Variants in CYTH1 observed in about 807,000 individuals in gnomAD.
CYTH1 encodes cytohesin 1.
In CYTH1, 18 loss-of-function variants were observed where a neutral mutation model predicts 61.8. That is an observed-to-expected ratio of 0.29 (90% CI 0.20 to 0.43). The LOEUF is 0.43. CYTH1 is among the 20% of genes least tolerant of loss of function. The pLI is 1.00. For missense variants in CYTH1, 336 were observed against 510.5 expected, an observed-to-expected ratio of 0.66 and a Z score of 3.29; for synonymous variants, 174 against 184.3, an observed-to-expected ratio of 0.94 and a Z score of 0.45.
chr17:78,715,938 C>T (rs2093177284), intron 1 of CYTH1, among the ~76,000 whole-genome samples: 1 of 152,202 alleles, frequency 6.6e-6, no homozygotes, highest in Non-Finnish European at 1.5e-5. Context: ...GTGGAGAGGG[C>T]AGCAGGGTCC....
intron 1 of CYTH1, among the ~76,000 whole-genome samples, chr17:78,772,501 A>G (rs570401944): frequency 2.0e-5 from 3 of 152,286 alleles, no homozygotes; most frequent in South Asian, 4.1e-4. Flanking sequence ...GGTATGAGCC[A>G]TAAGATTCCA....
intron 11 of CYTH1, among the ~76,000 whole-genome samples, chr17:78,687,089 A>C (rs2092824455): frequency 6.6e-6 from 1 of 152,048 alleles, no homozygotes; most frequent in Admixed American, 6.6e-5. Flanking sequence ...CCTACATTAC[A>C]TTTATTGTAC....
At position 78,717,529 on chromosome 17, in the gene CYTH1, G is replaced by GCAGAAACCCAGAGCTGAAATGGGTT. The variant is rs2093191775; in HGVS notation, c.23-7822_23-7798dup. On this transcript the variant is annotated intron_variant, in intron 1 of 13. Transcript: ENST00000446868. The surrounding 1 kb of genome is among the most constrained non-coding windows in gnomAD (Gnocchi z 4.4). ...GTTGCTTTGCAGATTTTAACAGTCG[G>GCAGAAACCCAGAGCTGAAATGGGTT]CAGAAACCCAGAGCTGAAATGGGTT... is the stretch of plus-strand genomic sequence containing the variant. 6.6e-6 allele frequency among the ~76,000 whole-genome samples: 1 copy of GCAGAAACCCAGAGCTGAAATGGGTT among 152,090 alleles called. No homozygotes were observed. Among genetic ancestry groups the GCAGAAACCCAGAGCTGAAATGGGTT allele is most frequent in the African/African-American group, 2.4e-5 (1 of 41,418 alleles).
At chr17:78,733,153 C>A (rs1230666830) in intron 1 of CYTH1, among the ~76,000 whole-genome samples, 1 of 144,994 alleles carries the variant, frequency 6.9e-6, no homozygotes, top group African/African-American at 2.5e-5. Flanking sequence ...TAGAAGCAAT[C>A]TGAAAATCCA....
At chr17:78,745,035 A>G (rs944702134) in intron 1 of CYTH1, among the ~76,000 whole-genome samples, 3 of 152,084 alleles carry the variant, frequency 2.0e-5, no homozygotes, top group African/African-American at 7.3e-5. Flanking sequence ...AACTTGCCAC[A>G]AAACTGAAAA....
At chr17:78,735,316 G>A (rs890931971) in intron 1 of CYTH1, among the ~76,000 whole-genome samples, 3 of 152,300 alleles carry the variant, frequency 2.0e-5, no homozygotes, top group East Asian at 1.9e-4. Context: ...AGGCTCACCC[G>A]GAAGGACCAG....
intron 1 of CYTH1, among the ~76,000 whole-genome samples, chr17:78,776,556 G>A (rs930637297): frequency 6.6e-6 from 1 of 151,440 alleles, no homozygotes; most frequent in East Asian, 2.0e-4. Flanking sequence ...CTACTCAGGA[G>A]GCTGAGGCAC....
intron 1 of CYTH1, among the ~76,000 whole-genome samples, chr17:78,776,891 C>T (rs2144775313): frequency 6.8e-6 from 1 of 147,560 alleles, no homozygotes; most frequent in Non-Finnish European, 1.5e-5. Flanking sequence ...TTTGGGAGGC[C>T]TAGGCAGGGG....
chr17:78,703,411 C>CAA lies in CYTH1; in HGVS notation c.171-809_171-808dup, dbSNP rs67437891. ...GGGTGACAGAGTGAGACTCCGTCTCCAAAAAAAAAAAAAAAAAAAAAAAAC... is the reference window on the plus strand; with the variant it reads ...GGGTGACAGAGTGAGACTCCGTCTCCAAAAAAAAAAAAAAAAAAAAAAAAAAC... On this transcript the variant is annotated intron_variant, in intron 3 of 13. Transcript: ENST00000446868. Among the ~76,000 whole-genome samples the CAA allele has an allele frequency of 5.4e-3, 376 of 69,598 alleles. 1 individual carries two copies. Among genetic ancestry groups the CAA allele is most frequent in the African/African-American group, 0.013 (211 of 16,814 alleles). The allele number at this position is 69,598 out of a possible 152,430, so 45.7% of individuals were successfully genotyped here.
rs149756766 is a variant in CYTH1, at chr17:78,749,935, G to A, written c.22+32267C>T. ...CTACTATTACCCAAAGAAATACCAA[G>A]TGCTCCTAAAATAATACCACATACT... On this transcript the variant is annotated intron_variant, in intron 1 of 13. Transcript: ENST00000446868. 4.6e-3 allele frequency among the ~76,000 whole-genome samples: 701 copies of A among 152,214 alleles called. 7 individuals carry two copies. Among genetic ancestry groups the A allele is most frequent in the African/African-American group, 0.016 (654 of 41,534 alleles).
chr17:78,745,163 C>G (rs984935494), intron 1 of CYTH1, among the ~76,000 whole-genome samples: 1 of 152,032 alleles, frequency 6.6e-6, no homozygotes, highest in Admixed American at 6.6e-5. Flanking sequence ...TCCTGTGCAC[C>G]GTGGAGCCTG....
rs1598845371 is a variant in CYTH1, at chr17:78,699,033, G to A, written c.551-65C>T. The A allele has an allele frequency of 7.1e-6, 11 of 1,548,614 alleles. No homozygotes were observed. In the East Asian group the frequency reaches 1.4e-4, roughly 19 times the overall value. ...TCAGATGTTCAGAAACATCCCACCC[G>A]CAAGAGCAAGAGTGGTATCAGATGA... On this transcript the variant is annotated intron_variant, in intron 7 of 13. Coordinates refer to ENST00000446868, the MANE Select transcript of CYTH1 (RefSeq NM_004762.6).
chr17:78,782,266 C>T lies in CYTH1; in HGVS notation c.-43G>A, dbSNP rs770864180. On this transcript the variant is annotated 5_prime_UTR_variant, in exon 1 of 14. Transcript: ENST00000446868. ...CCGCGCTCCGGCTCGCCGCTCGCGT[C>T]CCGCCGCGCCACCCGCGCCCCCGCT... 6.6e-6 allele frequency: 8 copies of T among 1,215,704 alleles called. No individual in the cohort carries two copies. In the South Asian group the frequency reaches 1.3e-4, roughly 20 times the overall value. The allele number at this position is 1,215,704 out of a possible 1,614,324, so 75.3% of individuals were successfully genotyped here.
intron 1 of CYTH1, among the ~76,000 whole-genome samples, chr17:78,773,343 C>G (rs1030277782): frequency 6.6e-6 from 1 of 151,922 alleles, no homozygotes; most frequent in Non-Finnish European, 1.5e-5. Flanking sequence ...AAAAAAAAAT[C>G]TACTGGCCAG....
At chr17:78,743,344 C>A (rs2093348666) in intron 1 of CYTH1, among the ~76,000 whole-genome samples, 1 of 152,186 alleles carries the variant, frequency 6.6e-6, no homozygotes, top group African/African-American at 2.4e-5. Context: ...CCACACTGGT[C>A]TCCAGCCAGC....
At chr17:78,718,733 G>A (rs1301373112) in intron 1 of CYTH1, among the ~76,000 whole-genome samples, 1 of 152,166 alleles carries the variant, frequency 6.6e-6, no homozygotes, top group African/African-American at 2.4e-5. Flanking sequence ...TAATCTCTCT[G>A]GGCCTCAGTT....
intron 1 of CYTH1, among the ~76,000 whole-genome samples, chr17:78,718,632 C>T (rs1227670436): frequency 6.6e-6 from 1 of 152,134 alleles, no homozygotes; most frequent in East Asian, 1.9e-4. Context: ...ACTTTGTCTC[C>T]CAGAAAATCC....
chr17:78,700,947 T>C lies in CYTH1; in HGVS notation c.438-504A>G, dbSNP rs185667785. 3.3e-5 allele frequency among the ~76,000 whole-genome samples: 5 copies of C among 152,342 alleles called. No individual in the cohort carries two copies. The highest frequency in any genetic ancestry group is 2.6e-4 in the Admixed American group (4 of 15,306). ...ACACCACTGTTACCTTAATCAAAAG[T>C]AAAATTTTTCTTAGGAAAAAGTGAA... On this transcript the variant is annotated intron_variant, in intron 6 of 13. Coordinates refer to ENST00000446868, the MANE Select transcript of CYTH1 (RefSeq NM_004762.6). The surrounding 1 kb of genome is among the most constrained non-coding windows in gnomAD (Gnocchi z 5.1).
chr17:78,693,319 C>T (rs2092907533), intron 10 of CYTH1, among the ~76,000 whole-genome samples: 1 of 152,058 alleles, frequency 6.6e-6, no homozygotes. Context: ...TAGTATTTCT[C>T]AGCACAAAAC....
Sources: allele counts gnomAD v4.1 joint callset (sites outside exome capture counted in the v4.1 genomes callset), GRCh38; gene constraint gnomAD v4.1.1; non-coding constraint Gnocchi (gnomAD v3.1); transcripts MANE v1.5; gene names NCBI Gene and HGNC (gene_info 2026-07-23, HGNC 2026-07-21).